POTEC: variants seen among roughly 807,000 people sequenced by gnomAD.
The protein encoded by POTEC is ANKRD26-like family B member 2.
In POTEC, 35 loss-of-function variants were observed where a neutral mutation model predicts 62.0. That is an observed-to-expected ratio of 0.56 (90% CI 0.43 to 0.75). The LOEUF (loss-of-function observed/expected upper bound fraction) is 0.75, where lower values mean the gene tolerates loss of function less well. Among genes scored for constraint, POTEC ranks in the 30% least tolerant of loss-of-function variants. The pLI is 0.00. For synonymous variants in POTEC, 156 were observed against 221.5 expected (o/e 0.70, Z 2.62); for missense variants, 472 against 655.9 (o/e 0.72, Z 3.06).
intron 9 of POTEC, among the ~76,000 whole-genome samples, chr18:14,521,618 G>A (rs1422303056): frequency 6.6e-6 from 1 of 152,062 alleles, no homozygotes; most frequent in Non-Finnish European, 1.5e-5. Flanking sequence ...ATATGTGTGT[G>A]AATATGCTAC....
intron 4 of POTEC, among the ~76,000 whole-genome samples, chr18:14,534,599 GAAAGTT>G (rs1905644383): frequency 6.6e-6 from 1 of 151,798 alleles, no homozygotes; most frequent in African/African-American, 2.4e-5. Flanking sequence ...AAAGTAAACT[GAAAGTT>G]AAAGTTCAAA....
intron 1 of POTEC, 21 bp downstream of exon 1, chr18:14,542,605 T>C: frequency 6.2e-7 from 1 of 1,611,848 alleles, no homozygotes; most frequent in South Asian, 1.1e-5. Flanking sequence ...TCCCGCCTCC[T>C]CCCATCCCAG....
Position 14,519,487 on chromosome 18 carries a change from C to CA in POTEC, c.1409+2766dup, listed in dbSNP as rs564649477. ...ATCCCAACACTTTGTGAGGCCAAGG[C>CA]AGACAGATCACCTGAGGTCAGGAGT... is the stretch of plus-strand genomic sequence containing the variant. On this transcript the variant is annotated intron_variant, in intron 9 of 10. Coordinates refer to ENST00000358970, the MANE Select transcript of POTEC (RefSeq NM_001137671.2). Among the ~76,000 whole-genome samples the CA allele has an allele frequency of 5.3e-3, 804 of 152,198 alleles. 5 individuals are homozygous for CA. Among genetic ancestry groups the CA allele is most frequent in the Non-Finnish European group, 7.0e-3 (475 of 68,012 alleles).
intron 5 of POTEC, among the ~76,000 whole-genome samples, chr18:14,532,522 C>A (rs1383008767): frequency 6.6e-6 from 1 of 152,084 alleles, no homozygotes; most frequent in Admixed American, 6.5e-5. Flanking sequence ...GGCAGCAGAA[C>A]CAGTTTGAGT....
intron 1 of POTEC, among the ~76,000 whole-genome samples, chr18:14,540,231 T>C (rs1168521629): frequency 1.3e-5 from 2 of 152,118 alleles, no homozygotes; most frequent in Non-Finnish European, 2.9e-5. Context: ...TCACAGAAGA[T>C]AGCCATCCAC....
chr18:14,522,113 T>C, intron 9 of POTEC, 141 bp downstream of exon 9: 2 of 1,368,770 alleles, frequency 1.5e-6, no homozygotes, highest in Non-Finnish European at 1.9e-6. Context: ...CATTGTTTAC[T>C]GATTTTCATT....
intron 3 of POTEC, among the ~76,000 whole-genome samples, chr18:14,537,211 A>ACACACAC (rs1555624120): frequency 1.4e-3 from 69 of 49,014 alleles, no homozygotes; most frequent in Middle Eastern, 0.011. Context: ...ACACACACAC[A>ACACACAC]AAAAAAAAAA....
intron 6 of POTEC, chr18:14,528,828 A>G: frequency 2.5e-6 from 1 of 396,532 alleles, no homozygotes; most frequent in South Asian, 1.9e-5. Context: ...AACTTGCCTT[A>G]GCTAAGTATT....
At chr18:14,524,633 AAAT>A (rs199954200) in intron 7 of POTEC, among the ~76,000 whole-genome samples, 1,534 of 152,216 alleles carry the variant, frequency 0.01, 29 homozygotes, top group South Asian at 0.058. Context: ...AGAATATTTT[AAAT>A]AAGAATACTG....
At chr18:14,528,154 C>A (rs914432209) in intron 6 of POTEC, 1 of 152,206 alleles carries the variant, frequency 6.6e-6, no homozygotes, top group Non-Finnish European at 1.5e-5. Flanking sequence ...ATATTTCCCA[C>A]CTGGTCCTTT....
Position 14,507,558 on chromosome 18 carries a change from G to A in POTEC, c.*4340C>T, listed in dbSNP as rs1909878871. Reference sequence around the variant, plus strand: ...GCTTGCCCCCTGTGTCTTTCAATTGGAGCATTTAGCCCATTTCCATTTAAG... The same window carrying A: ...GCTTGCCCCCTGTGTCTTTCAATTGAAGCATTTAGCCCATTTCCATTTAAG... On this transcript the variant is annotated 3_prime_UTR_variant, in exon 11 of 11. Coordinates refer to ENST00000358970, the MANE Select transcript of POTEC (RefSeq NM_001137671.2). The A allele has an allele frequency of 6.6e-6, 1 of 151,974 alleles. No individual in the cohort carries two copies. 9.4% of individuals were successfully genotyped at this position (151,974 alleles called of 1,614,324 possible). A position where few individuals can be genotyped will look rare whatever the true frequency, so the allele number is the denominator to read the frequency against.
rs1293710734 is a variant in POTEC, at chr18:14,537,973, G to A, written c.638C>T (p.Ala213Val). The A allele has an allele frequency of 3.7e-6, 6 of 1,610,756 alleles. No homozygotes were observed. The African/African-American group carries it at 8.1e-5, about 22-fold the overall frequency. The change falls in exon 3 of 11, where the codon GCC becomes GTC. Residue 213 changes from alanine (A) to valine (V), a missense_variant and splice_region_variant. Physicochemically the swap from Ala to Val is moderately conservative, Grantham distance 64 (BLOSUM62 0). Transcript: ENST00000358970. ...DNKKRTALIK[A>V]VQCQEDECVL... ...ACATTCATCTTCCTGGCATTGTACG[G>A]CCTGTCAGTATTAGACCAAAAACAA...
In POTEC at chr18:14,543,034, C is replaced by T. The variant is rs756582293; in HGVS notation, c.113G>A (p.Ser38Asn). The T allele has an allele frequency of 3.1e-6, 5 of 1,606,022 alleles. No homozygotes were observed. In the Admixed American group the frequency reaches 5.1e-5, roughly 16 times the overall value. Residue 38 changes from serine (S) to asparagine (N), a missense_variant, in exon 1 of 11, where the codon AGC becomes AAC. Ser to Asn is a conservative substitution (Grantham distance 46). This residue lies in a region of POTEC where 257 missense variants were observed against 250.7 expected (regional missense o/e 1.03). Transcript: ENST00000358970. ...FHHRFPCCKG[S>N]GKSNMGTSGD... ...AGAAGTGCCCATGTTGCTCTTGCCGCTCCCCTTGCAGCAGGGGAAGCGGTG... is the reference window on the plus strand; with the variant it reads ...AGAAGTGCCCATGTTGCTCTTGCCGTTCCCCTTGCAGCAGGGGAAGCGGTG...
intron 5 of POTEC, among the ~76,000 whole-genome samples, chr18:14,532,268 G>T (rs1322087901): frequency 6.6e-6 from 1 of 152,120 alleles, no homozygotes; most frequent in Non-Finnish European, 1.5e-5. Flanking sequence ...TAAGATGTGG[G>T]TTCCACATTA....
intron 6 of POTEC, chr18:14,527,766 C>G (rs1235992716): frequency 6.6e-6 from 1 of 151,594 alleles, no homozygotes; most frequent in African/African-American, 2.4e-5. Context: ...TTAAGCAAAA[C>G]AAATGAAAAA....
chr18:14,524,901 A>G lies in POTEC; in HGVS notation c.1197+12T>C, dbSNP rs775752668. On this transcript the variant is annotated intron_variant, in intron 7 of 10. Transcript: ENST00000358970. ...CATTAAATCAAAAATTTAAATTTAA[A>G]ATTTTCCATGCCTCTGGCTGGCTAT... The G allele has an allele frequency of 5.0e-6, 8 of 1,605,076 alleles. No individual in the cohort carries two copies. The highest frequency in any genetic ancestry group is 6.8e-6 in the Non-Finnish European group (8 of 1,177,226).
intron 1 of POTEC, among the ~76,000 whole-genome samples, chr18:14,541,067 T>C (rs1451677889): frequency 6.6e-6 from 1 of 152,100 alleles, no homozygotes; most frequent in Admixed American, 6.5e-5. Context: ...ATTCTTTGTA[T>C]TTTTAGTAGA....
At chr18:14,534,327 T>C (rs948552220) in intron 4 of POTEC, among the ~76,000 whole-genome samples, 8 of 151,342 alleles carry the variant, frequency 5.3e-5, no homozygotes, top group African/African-American at 1.7e-4. Context: ...CAACTAAAAA[T>C]AAAAACATCA....
At chr18:14,536,122 A>G (rs1017099976) in intron 3 of POTEC, among the ~76,000 whole-genome samples, 1 of 151,496 alleles carries the variant, frequency 6.6e-6, no homozygotes, top group African/African-American at 2.4e-5. Flanking sequence ...AAAAATACAA[A>G]AACAGATTGG....
Sources: gnomAD v4.1 joint callset for allele counts (sites outside exome capture counted in the v4.1 genomes callset) on GRCh38, gnomAD v4.1.1 for gene constraint, gnomAD v4.1.1 regional missense constraint, MANE v1.5 for transcripts, NCBI Gene and HGNC (gene_info 2026-07-23, HGNC 2026-07-21) for gene names.